NRDC: variants seen among roughly 807,000 people sequenced by gnomAD.
NRDC encodes nardilysin convertase.
In NRDC, 54 loss-of-function variants were observed where a neutral mutation model predicts 147.1. The observed-to-expected ratio is 0.37, with a 90% CI of 0.29 to 0.46. The LOEUF (loss-of-function observed/expected upper bound fraction) is 0.46, where lower values mean the gene tolerates loss of function less well. Ranked by LOEUF, NRDC falls within the 20% of genes least tolerant of loss-of-function variation. NRDC has a pLI of 1.00. For missense variants in NRDC, 1,082 were observed against 1,370.6 expected (o/e 0.79, Z 3.33); for synonymous variants, 440 against 482.1 (o/e 0.91, Z 1.14).
chr1:51,812,784 A>G (rs1196595795), intron 14 of NRDC, among the ~76,000 whole-genome samples: 6 of 152,116 alleles, frequency 3.9e-5, no homozygotes, highest in Non-Finnish European at 8.8e-5. Flanking sequence ...GTAAGCATGA[A>G]TCAAATCAAT....
At chr1:51,868,618 A>C (rs1682934817) in intron 1 of NRDC, among the ~76,000 whole-genome samples, 1 of 152,174 alleles carries the variant, frequency 6.6e-6, no homozygotes, top group African/African-American at 2.4e-5. Context: ...TCATGCCCGT[A>C]ATTCCAGCAC....
At chr1:51,854,981 G>T (rs35073303) in intron 1 of NRDC, among the ~76,000 whole-genome samples, 1 of 152,090 alleles carries the variant, frequency 6.6e-6, no homozygotes, top group Non-Finnish European at 1.5e-5. Flanking sequence ...CCTGGAGAAG[G>T]TTATACCCAT....
intron 10 of NRDC, among the ~76,000 whole-genome samples, chr1:51,817,341 G>C (rs1447548095): frequency 2.6e-5 from 3 of 115,094 alleles, no homozygotes; most frequent in Admixed American, 1.2e-4. Context: ...TTTATCAGTT[G>C]ATTAGCATTT....
At chr1:51,851,650 C>G (rs139093181) in intron 1 of NRDC, among the ~76,000 whole-genome samples, 103 of 151,970 alleles carry the variant, frequency 6.8e-4, no homozygotes, top group African/African-American at 2.3e-3. Flanking sequence ...AACTGGACCC[C>G]TAAATTTTAA....
At chr1:51,865,380 T>C (rs1255244131) in intron 1 of NRDC, among the ~76,000 whole-genome samples, 2 of 151,834 alleles carry the variant, frequency 1.3e-5, no homozygotes, top group Non-Finnish European at 2.9e-5. Context: ...TCATGGCTCA[T>C]GCAACCTCCG....
intron 1 of NRDC, among the ~76,000 whole-genome samples, chr1:51,858,990 T>G (rs574957691): frequency 6.6e-6 from 1 of 152,218 alleles, no homozygotes; most frequent in Non-Finnish European, 1.5e-5. Flanking sequence ...CTCACATCAT[T>G]TTTTCCTTGG....
chr1:51,814,366 C>A (rs1007045174), intron 13 of NRDC, 185 bp downstream of exon 13: 3 of 600,276 alleles, frequency 5.0e-6, no homozygotes, highest in African/African-American at 3.7e-5. Flanking sequence ...GGACTGCCCA[C>A]ATATGTGTAA....
intron 1 of NRDC, among the ~76,000 whole-genome samples, chr1:51,868,524 A>G (rs1482082372): frequency 2.0e-5 from 3 of 152,238 alleles, no homozygotes; most frequent in Non-Finnish European, 2.9e-5. Flanking sequence ...ATTACTGCTT[A>G]GTACCTCCTC....
intron 20 of NRDC, chr1:51,801,424 G>C (rs1679191319): frequency 6.6e-6 from 1 of 152,102 alleles, no homozygotes; most frequent in South Asian, 2.1e-4. Context: ...CTCCGGAGGA[G>C]TTGGGACCAC....
intron 19 of NRDC, among the ~76,000 whole-genome samples, chr1:51,804,872 A>C (rs536921208): frequency 4.0e-4 from 61 of 152,188 alleles, no homozygotes; most frequent in African/African-American, 1.4e-3. Flanking sequence ...ACATTTCCCA[A>C]GTATCTCCTA....
chr1:51,798,189 T>C (rs754513081), intron 22 of NRDC, 60 bp downstream of exon 22: 30 of 1,540,876 alleles, frequency 1.9e-5, no homozygotes, highest in Non-Finnish European at 2.6e-5. Context: ...GAAAGAACTA[T>C]GGCAATTCCA....
intron 3 of NRDC, 110 bp downstream of exon 3, chr1:51,836,021 C>T: frequency 1.2e-6 from 1 of 831,208 alleles, no homozygotes. Context: ...TTTTCTCTTG[C>T]TAAATATATC....
At chr1:51,809,518 G>A in intron 16 of NRDC, 117 bp from the exon 17 acceptor site, 3 of 765,278 alleles carry the variant, frequency 3.9e-6, no homozygotes, top group Non-Finnish European at 7.0e-6. Context: ...GGAATACTGT[G>A]ACTGACACAT....
At chr1:51,849,077 G>C (rs1277429323) in intron 1 of NRDC, among the ~76,000 whole-genome samples, 1 of 152,152 alleles carries the variant, frequency 6.6e-6, no homozygotes, top group Non-Finnish European at 1.5e-5. Context: ...ATAAATTCAA[G>C]GCAATTCCCA....
At chr1:51,863,193 G>C (rs1313597709) in intron 1 of NRDC, among the ~76,000 whole-genome samples, 4 of 152,024 alleles carry the variant, frequency 2.6e-5, no homozygotes, top group Non-Finnish European at 5.9e-5. Flanking sequence ...CTTGAGATCA[G>C]GTGTTCAAGA....
At chr1:51,876,876 T>G (rs1235561769) in intron 1 of NRDC, among the ~76,000 whole-genome samples, 2 of 152,212 alleles carry the variant, frequency 1.3e-5, no homozygotes, top group Admixed American at 6.5e-5. Context: ...TCAATTCACA[T>G]AAGCAAGAAA....
At chr1:51,853,652 G>T (rs530542591) in intron 1 of NRDC, among the ~76,000 whole-genome samples, 4 of 152,316 alleles carry the variant, frequency 2.6e-5, no homozygotes, top group Middle Eastern at 6.8e-3. Context: ...TAGCAGAAAA[G>T]AATTAATTCA....
chr1:51,814,129 T>C lies in NRDC; in HGVS notation c.1620-40A>G, dbSNP rs374382877. The stretch of plus-strand genomic sequence containing the variant: ...ACTATAATTAGAAGATACATTAAAA[T>C]TTCTGCCTACTTGAGGGAGAAGGGC... On this transcript the variant is annotated intron_variant, in intron 13 of 30. Transcript: ENST00000352171. 100 of 1,358,118 alleles carry C rather than the reference T, an allele frequency of 7.4e-5. 1 individual carries two copies. In the African/African-American group the frequency reaches 1.3e-3, roughly 17 times the overall value. The allele number at this position is 1,358,118 out of a possible 1,614,324, so 84.1% of individuals were successfully genotyped here.
intron 1 of NRDC, among the ~76,000 whole-genome samples, chr1:51,847,013 T>G (rs545514527): frequency 7.0e-6 from 1 of 142,758 alleles, no homozygotes; most frequent in Admixed American, 7.8e-5. Flanking sequence ...TTCACAAACC[T>G]TGAGATAGAC....
Sources: gnomAD v4.1 joint callset for allele counts (sites outside exome capture counted in the v4.1 genomes callset) on GRCh38, gnomAD v4.1.1 for gene constraint, MANE v1.5 for transcripts, NCBI Gene and HGNC (gene_info 2026-07-23, HGNC 2026-07-21) for gene names.